KATNA1: variants seen among roughly 807,000 people sequenced by gnomAD.
KATNA1 encodes the protein katanin p60 ATPase-containing subunit A1.
Under a neutral mutation model 62.6 loss-of-function variants are expected in KATNA1, and 42 were observed. The observed-to-expected ratio is 0.67, with a 90% CI of 0.52 to 0.87. The LOEUF is 0.87. KATNA1 is among the 40% of genes least tolerant of loss of function. KATNA1 has a pLI of 0.00. For missense variants in KATNA1, 498 were observed against 612.5 expected (o/e 0.81, Z 1.97); for synonymous variants, 186 against 201.9 (o/e 0.92, Z 0.67).
intron 7 of KATNA1, among the ~76,000 whole-genome samples, chr6:149,600,601 C>G (rs1463365697): frequency 6.6e-6 from 1 of 151,830 alleles, no homozygotes; most frequent in African/African-American, 2.4e-5. Flanking sequence ...ACACTGCACT[C>G]CAGCCTAGGT....
intron 3 of KATNA1, among the ~76,000 whole-genome samples, chr6:149,626,679 G>A (rs575856183): frequency 1.3e-5 from 2 of 151,646 alleles, no homozygotes; most frequent in East Asian, 3.9e-4. Context: ...TGTGTGCAGG[G>A]TATGTGCAAA....
At chr6:149,632,552 T>C (rs1406120708) in intron 3 of KATNA1, among the ~76,000 whole-genome samples, 3 of 152,148 alleles carry the variant, frequency 2.0e-5, no homozygotes, top group Non-Finnish European at 4.4e-5. Context: ...CAAAAGCATA[T>C]TTTTAAATTA....
intron 3 of KATNA1, among the ~76,000 whole-genome samples, chr6:149,623,979 T>C (rs969741018): frequency 5.3e-5 from 8 of 152,194 alleles, no homozygotes; most frequent in Non-Finnish European, 1.0e-4. Context: ...CAATTCACAT[T>C]TATCCAATGG....
rs780499671 is a variant in KATNA1 at position 149,604,698 on chromosome 6, C to T, written c.586G>A (p.Glu196Lys). The T allele has an allele frequency of 6.2e-7, 1 of 1,613,216 alleles. No individual in the cohort carries two copies. Among genetic ancestry groups the T allele is most frequent in the South Asian group, 1.1e-5 (1 of 91,076 alleles). Residue 196 changes from glutamate to lysine, a missense_variant, in exon 5 of 11, where the codon GAA becomes AAA. Physicochemically the swap from Glu to Lys is moderately conservative, Grantham distance 56. Coordinates refer to ENST00000367411, the MANE Select transcript of KATNA1 (RefSeq NM_007044.4). ...GYDKDLVEAL[E>K]RDIISQNPNV... is the part of the protein sequence containing the mutation. ...GGATTCTGGGAAATTATATCTCTTT[C>T]CAAAGCTTCTACTAAGTCTTTATCA...
chr6:149,608,057 C>A (rs1778807743), intron 4 of KATNA1, among the ~76,000 whole-genome samples: 1 of 152,118 alleles, frequency 6.6e-6, no homozygotes, highest in East Asian at 1.9e-4. Flanking sequence ...CAGAGTGAGA[C>A]TCCGTCTCAA....
At chr6:149,605,759 T>G (rs1290166997) in intron 4 of KATNA1, among the ~76,000 whole-genome samples, 2 of 151,804 alleles carry the variant, frequency 1.3e-5, no homozygotes, top group South Asian at 2.1e-4. Flanking sequence ...CAATAATGCT[T>G]TATTTATTTA....
rs141398693 is a variant in KATNA1 at position 149,627,762 on chromosome 6, G to A, written c.321-4479C>T. Among the ~76,000 whole-genome samples the A allele has an allele frequency of 1.8e-4, 28 of 151,890 alleles. No homozygotes were observed. The East Asian group carries it at 5.4e-3, about 29-fold the overall frequency. On this transcript the variant is annotated intron_variant, in intron 3 of 10. Transcript: ENST00000367411. ...GCAAAGTCAGAGACAGACTTTCTGA[G>A]GTGACAACTGAGTAGAGACCTAAAT... is the stretch of plus-strand genomic sequence containing the variant.
At chr6:149,620,621 G>A (rs1314414980) in intron 4 of KATNA1, among the ~76,000 whole-genome samples, 3 of 151,966 alleles carry the variant, frequency 2.0e-5, no homozygotes, top group Non-Finnish European at 4.4e-5. Flanking sequence ...AACAACTTAT[G>A]GTACATTTTC....
At chr6:149,628,895 G>C (rs1445668650) in intron 3 of KATNA1, among the ~76,000 whole-genome samples, 1 of 150,692 alleles carries the variant, frequency 6.6e-6, no homozygotes, top group Non-Finnish European at 1.5e-5. Flanking sequence ...AAAATAAAAA[G>C]AATATTAAAA....
At chr6:149,647,770 G>A (rs2114651569) in intron 1 of KATNA1, among the ~76,000 whole-genome samples, 1 of 152,266 alleles carries the variant, frequency 6.6e-6, no homozygotes, top group East Asian at 1.9e-4. Flanking sequence ...GCTTTCAAGA[G>A]AAAAGAGCAT....
chr6:149,648,335 G>C (rs1156327090), intron 1 of KATNA1, 134 bp downstream of exon 1: 1 of 152,368 alleles, frequency 6.6e-6, no homozygotes, highest in Non-Finnish European at 1.5e-5. Context: ...CAAGGACCTA[G>C]GACCTCAGCT....
At chr6:149,646,453 C>T (rs1413844851) in intron 1 of KATNA1, among the ~76,000 whole-genome samples, 1 of 152,148 alleles carries the variant, frequency 6.6e-6, no homozygotes, top group Non-Finnish European at 1.5e-5. Flanking sequence ...AGTGGCCATA[C>T]ATTGGTAAGT....
rs922122486 is a variant in KATNA1, at chr6:149,639,031, G to A, written c.-13-471C>T. Reference sequence around the variant, plus strand: ...TGGGATTACAGGCATGAGCCACCGCGCCTGGCCTCAAAGAAATATTTTATT... The same window carrying A: ...TGGGATTACAGGCATGAGCCACCGCACCTGGCCTCAAAGAAATATTTTATT... On this transcript the variant is annotated intron_variant, in intron 1 of 10. Transcript: ENST00000367411. Among the ~76,000 whole-genome samples, 13 of 151,060 alleles carry A rather than the reference G, an allele frequency of 8.6e-5. 1 individual carries two copies. In the South Asian group the frequency reaches 1.5e-3, roughly 17 times the overall value.
chr6:149,599,587 C>A (rs1778458069), intron 7 of KATNA1, among the ~76,000 whole-genome samples: 1 of 110,580 alleles, frequency 9.0e-6, no homozygotes, highest in Admixed American at 9.5e-5. Flanking sequence ...TCCCCTCTCC[C>A]TCTCTCTGTA....
intron 9 of KATNA1, 103 bp downstream of exon 9, chr6:149,597,404 C>A: frequency 7.3e-7 from 1 of 1,371,082 alleles, no homozygotes; most frequent in Non-Finnish European, 1.0e-6. Flanking sequence ...AGATACTCCT[C>A]ATGTATCTCT....
intron 1 of KATNA1, among the ~76,000 whole-genome samples, chr6:149,646,972 A>G (rs573077275): frequency 5.9e-5 from 9 of 152,192 alleles, no homozygotes; most frequent in Admixed American, 2.6e-4. Context: ...CTAATCCTCA[A>G]TATTTGTCAG....
chr6:149,598,405 A>G, intron 7 of KATNA1, 55 bp from the exon 8 acceptor site: 1 of 1,570,902 alleles, frequency 6.4e-7, no homozygotes, highest in Non-Finnish European at 8.7e-7. Context: ...TCATTTTAAA[A>G]TAATCTACAG....
At position 149,601,611 on chromosome 6, in the gene KATNA1, G is replaced by C. The variant is rs756012508; in HGVS notation, c.871C>G (p.Arg291Gly). ...ACATTCACCATTTCAAACAGAAGACGAACAAGCTTCTCAGATTCTCCTCTG... is the reference window on the plus strand; with the variant it reads ...ACATTCACCATTTCAAACAGAAGACCAACAAGCTTCTCAGATTCTCCTCTG... ...KYRGESEKLV[R>G]LLFEMARFYS... The change falls in exon 7 of 11, where the codon CGT becomes GGT. Residue 291 changes from arginine to glycine, a missense_variant. Physicochemically the swap from Arg to Gly is moderately radical, Grantham distance 125. Transcript: ENST00000367411. 6.2e-7 allele frequency: 1 copy of C among 1,607,462 alleles called. No individual in the cohort carries two copies. The highest frequency in any genetic ancestry group is 2.2e-5 in the East Asian group (1 of 44,694).
intron 3 of KATNA1, among the ~76,000 whole-genome samples, chr6:149,625,804 T>C (rs1169588993): frequency 6.7e-6 from 1 of 150,318 alleles, no homozygotes; most frequent in Non-Finnish European, 1.5e-5. Flanking sequence ...CATGGTGCTG[T>C]GGACCTGTAA....
Sources: allele counts gnomAD v4.1 joint callset (sites outside exome capture counted in the v4.1 genomes callset), GRCh38; gene constraint gnomAD v4.1.1; transcripts MANE v1.5; gene names NCBI Gene and HGNC (gene_info 2026-07-23, HGNC 2026-07-21).